Variants in MTAP observed in about 807,000 individuals in gnomAD.
MTAP encodes the protein methylthioadenosine phosphorylase.
A neutral mutation model predicts 33.6 loss-of-function variants in MTAP; 33 were observed. That is an observed-to-expected ratio of 0.98 (90% CI 0.74 to 1.31). The LOEUF (loss-of-function observed/expected upper bound fraction) is 1.31, where lower values mean the gene tolerates loss of function less well. Ranked by LOEUF, MTAP falls within the 40% of genes most tolerant of loss-of-function variation. The pLI is 0.00. For missense variants in MTAP, 367 were observed against 360.0 expected (o/e 1.02, Z -0.16); for synonymous variants, 148 against 125.7 (o/e 1.18, Z -1.19).
At chr9:21,920,007 A>C (rs1042451148) in intron 1 of MTAP, among the ~76,000 whole-genome samples, 1 of 152,126 alleles carries the variant, frequency 6.6e-6, no homozygotes, top group African/African-American at 2.4e-5. Flanking sequence ...TCTAATCCTA[A>C]TGTAACAGAA....
chr9:21,890,320 C>A (rs1818179573), intron 1 of MTAP, among the ~76,000 whole-genome samples: 1 of 152,180 alleles, frequency 6.6e-6, no homozygotes, highest in African/African-American at 2.4e-5. Flanking sequence ...AGGCAACCAG[C>A]AATCACCGCT....
intron 1 of MTAP, chr9:21,812,040 A>T (rs1490607062): frequency 4.0e-6 from 1 of 251,714 alleles, no homozygotes; most frequent in Non-Finnish European, 7.9e-6. Context: ...ACCATGGCAG[A>T]GGTTGCAGGC....
At chr9:21,818,007 G>A (rs778396282) in intron 3 of MTAP, 28 bp from the exon 4 acceptor site, 28 of 1,596,384 alleles carry the variant, frequency 1.8e-5, no homozygotes, top group East Asian at 4.5e-5. Context: ...CTCATCACGG[G>A]TTAACAATTT....
chr9:21,829,789 A>G (rs1176309901), intron 4 of MTAP, among the ~76,000 whole-genome samples: 1 of 152,216 alleles, frequency 6.6e-6, no homozygotes, highest in Non-Finnish European at 1.5e-5. Context: ...CCTCAGATTT[A>G]AGAAAGACAT....
intron 1 of MTAP, among the ~76,000 whole-genome samples, chr9:21,896,896 T>A (rs1261428592): frequency 2.6e-5 from 4 of 152,170 alleles, no homozygotes; most frequent in Non-Finnish European, 5.9e-5. Flanking sequence ...GCCAGCATCA[T>A]CCTGATACCA....
intron 1 of MTAP, among the ~76,000 whole-genome samples, chr9:21,897,390 G>A (rs1346158274): frequency 6.6e-6 from 1 of 151,930 alleles, no homozygotes; most frequent in Non-Finnish European, 1.5e-5. Flanking sequence ...GGGCAATCAG[G>A]CAAGAGAAAG....
Position 21,865,451 on chromosome 9 carries a change from A to G in MTAP, c.*3437A>G. The G allele has an allele frequency of 1.0e-6, 1 of 985,414 alleles. No individual in the cohort carries two copies. Among genetic ancestry groups the G allele is most frequent in the Non-Finnish European group, 1.2e-6 (1 of 829,926 alleles). 61.0% of individuals were successfully genotyped at this position (985,414 alleles called of 1,614,324 possible). On this transcript the variant is annotated 3_prime_UTR_variant, in exon 8 of 8. Transcript: ENST00000644715. ...GAGAATGGACTAATACACTCCTCAA[A>G]TGTTTTGAAGATTGTTGCACCTTGG...
intron 1 of MTAP, among the ~76,000 whole-genome samples, chr9:21,928,170 ACTT>A (rs1441990878): frequency 6.6e-6 from 1 of 152,214 alleles, no homozygotes; most frequent in Non-Finnish European, 1.5e-5. Flanking sequence ...TGTTGGGAGA[ACTT>A]CTCCATCTAC....
At chr9:21,872,773 A>G (rs1234800358) in intron 1 of MTAP, among the ~76,000 whole-genome samples, 1 of 152,322 alleles carries the variant, frequency 6.6e-6, no homozygotes, top group East Asian at 1.9e-4. Flanking sequence ...AAAAGAGAGA[A>G]GTAGAAACAA....
chr9:21,889,276 T>C (rs1206327065), intron 1 of MTAP, among the ~76,000 whole-genome samples: 1 of 152,156 alleles, frequency 6.6e-6, no homozygotes, highest in Non-Finnish European at 1.5e-5. Flanking sequence ...ATTGTTGAAT[T>C]GTTTCATCCA....
intron 1 of MTAP, chr9:21,930,261 G>A (rs1203191793): frequency 4.3e-6 from 1 of 234,140 alleles, no homozygotes; most frequent in Non-Finnish European, 8.5e-6. Context: ...CTACCTGGGT[G>A]TGTTGTCATC....
At chr9:21,850,832 A>T (rs1825492359) in intron 5 of MTAP, among the ~76,000 whole-genome samples, 1 of 152,112 alleles carries the variant, frequency 6.6e-6, no homozygotes, top group African/African-American at 2.4e-5. Context: ...ATCAAATGGA[A>T]ATGGTATATA....
In MTAP at chr9:21,818,211, T is replaced by G. The variant is rs777919285; in HGVS notation, c.347+9T>G. 3.7e-6 allele frequency: 6 copies of G among 1,611,388 alleles called. No homozygotes were observed. In the South Asian group the frequency reaches 6.6e-5, roughly 18 times the overall value. On this transcript the variant is annotated intron_variant, in intron 4 of 7. Transcript: ENST00000644715. ...GATCAGTTCATTGACAGGTAAGCAG[T>G]CATACAAAATGCTTTAGGCTATTGT...
In MTAP at chr9:21,843,905, G is replaced by A. The variant is rs144201477; in HGVS notation, c.450+5895G>A. On this transcript the variant is annotated intron_variant, in intron 5 of 7. Transcript: ENST00000644715. Reference sequence around the variant, plus strand: ...AAAAGAAACAGCAGAGATCAGAGCAGAACTAAATGAAATTGAAACAAAAAA... The same window carrying A: ...AAAAGAAACAGCAGAGATCAGAGCAAAACTAAATGAAATTGAAACAAAAAA... Among the ~76,000 whole-genome samples, 55 of 151,968 alleles carry A rather than the reference G, an allele frequency of 3.6e-4. No homozygotes were observed. The Middle Eastern group carries it at 0.01, about 28-fold the overall frequency.
chr9:21,934,469 CAG>C (rs1819010479), downstream of MTAP: 1 of 152,074 alleles, frequency 6.6e-6, no homozygotes, highest in Non-Finnish European at 1.5e-5. This position sits in a 1 kb window ranked among gnomAD's most constrained non-coding sequence, Gnocchi z 5.0. Context: ...GGCATGTCTT[CAG>C]AGTTGTCAAC....
chr9:21,889,071 A>C (rs916909550), intron 1 of MTAP, among the ~76,000 whole-genome samples: 4 of 152,046 alleles, frequency 2.6e-5, no homozygotes, highest in African/African-American at 7.2e-5. Flanking sequence ...TCCTCAAATA[A>C]ATTTTCCAAA....
At chr9:21,940,986 G>T, downstream of MTAP, 3 of 985,276 alleles carry the variant, frequency 3.0e-6, no homozygotes, top group South Asian at 1.4e-4. Context: ...AACTTTCAAA[G>T]TGAGTTGGAG....
At chr9:21,887,262 T>TCC (rs1818126770) in intron 1 of MTAP, among the ~76,000 whole-genome samples, 1 of 151,552 alleles carries the variant, frequency 6.6e-6, no homozygotes, top group South Asian at 2.1e-4. Context: ...CCTTCCCCTC[T>TCC]CCCCCCACCC....
At chr9:21,887,797 A>G (rs1161532798) in intron 1 of MTAP, among the ~76,000 whole-genome samples, 2 of 151,964 alleles carry the variant, frequency 1.3e-5, no homozygotes, top group Non-Finnish European at 2.9e-5. Context: ...GTCATCTATG[A>G]TTTCTTTCAG....
Sources: gnomAD v4.1 joint callset for allele counts (sites outside exome capture counted in the v4.1 genomes callset) on GRCh38, gnomAD v4.1.1 for gene constraint, Gnocchi (gnomAD v3.1) non-coding constraint, MANE v1.5 for transcripts, NCBI Gene and HGNC (gene_info 2026-07-23, HGNC 2026-07-21) for gene names.